Variants in PRICKLE1 observed in about 807,000 individuals in gnomAD.
PRICKLE1 encodes the protein prickle planar cell polarity protein 1.
In PRICKLE1, 14 loss-of-function variants were observed where a neutral mutation model predicts 70.2. The observed-to-expected ratio is 0.20, with a 90% CI of 0.13 to 0.31. The LOEUF is 0.31. Among genes scored for constraint, PRICKLE1 ranks in the 10% least tolerant of loss-of-function variants. PRICKLE1 has a pLI of 1.00. For missense variants in PRICKLE1, 821 were observed against 1,026.2 expected, an observed-to-expected ratio of 0.80 and a Z score of 2.73; for synonymous variants, 357 against 379.9, an observed-to-expected ratio of 0.94 and a Z score of 0.70.
At chr12:42,514,858 C>T (rs1939576042) in intron 1 of PRICKLE1, among the ~76,000 whole-genome samples, 1 of 151,446 alleles carries the variant, frequency 6.6e-6, no homozygotes, top group Non-Finnish European at 1.5e-5. Context: ...ACATACTGAT[C>T]TTACTACTCT....
chr12:42,544,753 C>G (rs1940176142), intron 1 of PRICKLE1, among the ~76,000 whole-genome samples: 6 of 152,164 alleles, frequency 3.9e-5, no homozygotes, highest in Admixed American at 3.9e-4. Flanking sequence ...GCTAAAAAGT[C>G]TTACAACAGA....
intron 1 of PRICKLE1, among the ~76,000 whole-genome samples, chr12:42,562,609 G>T (rs1373751672): frequency 6.6e-6 from 1 of 152,080 alleles, no homozygotes; most frequent in Admixed American, 6.5e-5. Flanking sequence ...CTGAAGATGT[G>T]AAGATTCAAT....
intron 1 of PRICKLE1, among the ~76,000 whole-genome samples, chr12:42,536,222 C>A (rs1353803360): frequency 6.6e-6 from 1 of 152,118 alleles, no homozygotes; most frequent in Non-Finnish European, 1.5e-5. Context: ...CTGAGGGACT[C>A]CAAGGGGACT....
intron 1 of PRICKLE1, among the ~76,000 whole-genome samples, chr12:42,535,105 T>A (rs767771744): frequency 4.6e-5 from 7 of 152,182 alleles, no homozygotes; most frequent in Non-Finnish European, 7.3e-5. Flanking sequence ...CCATGGCCAG[T>A]AACTGGTTCA....
intron 1 of PRICKLE1, among the ~76,000 whole-genome samples, chr12:42,585,205 A>T (rs571238265): frequency 6.6e-6 from 1 of 152,320 alleles, no homozygotes; most frequent in East Asian, 1.9e-4. Context: ...AAGGCAAATG[A>T]TAGCTGCTTG....
Position 42,496,765 on chromosome 12 carries a change from C to T in PRICKLE1, c.-48-24201G>A, listed in dbSNP as rs184422691. Among the ~76,000 whole-genome samples, 3 of 152,122 alleles carry T rather than the reference C, an allele frequency of 2.0e-5. No individual in the cohort carries two copies. The East Asian group carries it at 5.8e-4, about 29-fold the overall frequency. On this transcript the variant is annotated intron_variant, in intron 1 of 7. Transcript: ENST00000345127. ...CCTCTGCTAGCTTCCAACTTTTCTTCTGTAGCTTCCTCACCTCTCTCAGCC... is the reference window on the plus strand; with the variant it reads ...CCTCTGCTAGCTTCCAACTTTTCTTTTGTAGCTTCCTCACCTCTCTCAGCC...
intron 1 of PRICKLE1, chr12:42,489,903 C>A (rs1417477275): frequency 6.6e-6 from 1 of 152,094 alleles, no homozygotes; most frequent in African/African-American, 2.4e-5. Flanking sequence ...TCCATGGATT[C>A]ACTGATAGAT....
At chr12:42,465,665 C>G (rs1938069401) in intron 6 of PRICKLE1, 1 of 270,084 alleles carries the variant, frequency 3.7e-6, no homozygotes, top group Non-Finnish European at 7.1e-6. Context: ...TTTAAAATGG[C>G]CCCCAAGTGT....
At chr12:42,491,581 A>G (rs1421638266) in intron 1 of PRICKLE1, among the ~76,000 whole-genome samples, 2 of 152,024 alleles carry the variant, frequency 1.3e-5, no homozygotes, top group Non-Finnish European at 2.9e-5. Flanking sequence ...AAACATTAAA[A>G]GAGCTCAGGG....
chr12:42,540,046 A>G (rs1156786329), intron 1 of PRICKLE1, among the ~76,000 whole-genome samples: 1 of 152,238 alleles, frequency 6.6e-6, no homozygotes, highest in Non-Finnish European at 1.5e-5. Flanking sequence ...ATCAGGGATT[A>G]TATTGTGTGT....
chr12:42,510,388 T>C (rs1375440870), intron 1 of PRICKLE1, among the ~76,000 whole-genome samples: 5 of 151,996 alleles, frequency 3.3e-5, no homozygotes. Context: ...GCCACTGTGC[T>C]CGGCTATTAA....
Position 42,459,616 on chromosome 12 carries a change from TC to T in PRICKLE1, c.*192del. Reference sequence around the variant, plus strand: ...GAGATGTCACGTCCACCTGGCACCATCCAAAGAGGGTAAATTGGAGAAATCA... The same window carrying T: ...GAGATGTCACGTCCACCTGGCACCATCAAAGAGGGTAAATTGGAGAAATCA... On this transcript the variant is annotated 3_prime_UTR_variant, in exon 8 of 8. Coordinates refer to ENST00000345127, the MANE Select transcript of PRICKLE1 (RefSeq NM_153026.3). 1.4e-6 allele frequency: 1 copy of T among 725,192 alleles called. No homozygotes were observed. Among genetic ancestry groups the T allele is most frequent in the Non-Finnish European group, 2.3e-6 (1 of 431,194 alleles). The allele number at this position is 725,192 out of a possible 1,614,324, so 44.9% of individuals were successfully genotyped here. A position where few individuals can be genotyped will look rare whatever the true frequency, so the allele number is the denominator to read the frequency against.
At chr12:42,575,742 AC>A (rs1272356894) in intron 1 of PRICKLE1, among the ~76,000 whole-genome samples, 1 of 152,156 alleles carries the variant, frequency 6.6e-6, no homozygotes, top group Non-Finnish European at 1.5e-5. Flanking sequence ...ACTAAGCATA[AC>A]GCTTGTCTAA....
At chr12:42,568,968 C>G (rs1940665895) in intron 1 of PRICKLE1, among the ~76,000 whole-genome samples, 1 of 152,130 alleles carries the variant, frequency 6.6e-6, no homozygotes, top group Non-Finnish European at 1.5e-5. Flanking sequence ...ACTGACATAC[C>G]AATACACAGT....
At chr12:42,542,434 T>G (rs987209558) in intron 1 of PRICKLE1, among the ~76,000 whole-genome samples, 1 of 152,134 alleles carries the variant, frequency 6.6e-6, no homozygotes, top group Non-Finnish European at 1.5e-5. Flanking sequence ...GTGGATCACC[T>G]AAGGTCAGGA....
rs1270024665 is a variant in PRICKLE1 at position 42,532,693 on chromosome 12, C to A, written c.-49+56772G>T. Reference sequence around the variant, plus strand: ...CGGGCGGATCACGAGGTCAGGAGATCGAGACCATCCTGGCTAACACGGTGA... The same window carrying A: ...CGGGCGGATCACGAGGTCAGGAGATAGAGACCATCCTGGCTAACACGGTGA... On this transcript the variant is annotated intron_variant, in intron 1 of 7. Coordinates refer to ENST00000345127, the MANE Select transcript of PRICKLE1 (RefSeq NM_153026.3). 2.0e-5 allele frequency among the ~76,000 whole-genome samples: 3 copies of A among 151,908 alleles called. No homozygotes were observed. In the East Asian group the frequency reaches 5.8e-4, roughly 29 times the overall value.
chr12:42,503,190 T>G (rs538481908), intron 1 of PRICKLE1, among the ~76,000 whole-genome samples: 2 of 152,242 alleles, frequency 1.3e-5, no homozygotes, highest in African/African-American at 4.8e-5. Flanking sequence ...TCAACACTTG[T>G]GCATTCTGAG....
At position 42,558,282 on chromosome 12, in the gene PRICKLE1, AAC is replaced by A. The variant is rs1226399832; in HGVS notation, c.-49+31181_-49+31182del. Among the ~76,000 whole-genome samples the A allele has an allele frequency of 3.3e-5, 5 of 152,360 alleles. No homozygotes were observed. The East Asian group carries it at 9.6e-4, about 29-fold the overall frequency. On this transcript the variant is annotated intron_variant, in intron 1 of 7. Transcript: ENST00000345127. ...ATTCGTGCTACCGTAATTCAAAAGT[AAC>A]ACACAAAATGAATTTAATAAACCTC...
chr12:42,552,937 A>G (rs1165987318), intron 1 of PRICKLE1, among the ~76,000 whole-genome samples: 2 of 152,064 alleles, frequency 1.3e-5, no homozygotes, highest in African/African-American at 2.4e-5. Context: ...GCGGTTCACA[A>G]TAGAGTTTGA....
Sources: gnomAD v4.1 joint callset for allele counts (sites outside exome capture counted in the v4.1 genomes callset) on GRCh38, gnomAD v4.1.1 for gene constraint, MANE v1.5 for transcripts, NCBI Gene and HGNC (gene_info 2026-07-23, HGNC 2026-07-21) for gene names.